Variants in CTCF observed in about 807,000 individuals in gnomAD.
The protein encoded by CTCF is transcriptional repressor CTCF.
CTCF carries 7 observed loss-of-function variants against 72.3 expected under a neutral mutation model. The ratio of observed to expected loss-of-function variants is 0.10; its 90% confidence interval spans 0.06 to 0.18. The LOEUF (loss-of-function observed/expected upper bound fraction) is 0.18, where lower values mean the gene tolerates loss of function less well. Among genes scored for constraint, CTCF ranks in the 10% least tolerant of loss-of-function variants. CTCF has a pLI of 1.00. For missense variants in CTCF, 516 were observed against 949.1 expected (o/e 0.54, Z 6.00); for synonymous variants, 374 against 315.8 (o/e 1.18, Z -1.95).
intron 7 of CTCF, 81 bp downstream of exon 7, chr16:67,621,672 C>T (rs1031982134): frequency 9.8e-6 from 10 of 1,022,142 alleles, no homozygotes; most frequent in Middle Eastern, 2.1e-4. Context: ...AAAATAACTT[C>T]ACCTTCTGAC....
At chr16:67,577,001 G>A (rs1318001867) in intron 2 of CTCF, among the ~76,000 whole-genome samples, 1 of 152,284 alleles carries the variant, frequency 6.6e-6, no homozygotes, top group East Asian at 1.9e-4. Context: ...ATATAAGCCA[G>A]AATGTGTGTA....
At position 67,633,880 on chromosome 16, in the gene CTCF, T is replaced by G. The variant is rs1385096289; in HGVS notation, c.1838-2810T>G. ...ATGAGCAGAACCACATCTCCAAGGG[T>G]CCATTTCCGGCTTAGTGTCCTGCTT... On this transcript the variant is annotated intron_variant, in intron 10 of 11. Transcript: ENST00000264010. Among the ~76,000 whole-genome samples the G allele has an allele frequency of 2.0e-5, 3 of 151,942 alleles. 1 individual carries two copies. Among genetic ancestry groups the G allele is most frequent in the Non-Finnish European group, 4.4e-5 (3 of 68,008 alleles).
chr16:67,567,060 T>C (rs551344591), intron 1 of CTCF, among the ~76,000 whole-genome samples: 2 of 151,948 alleles, frequency 1.3e-5, no homozygotes, highest in South Asian at 4.2e-4. Context: ...TAGGCTGGTC[T>C]CAAACTCGTG....
chr16:67,594,239 C>A (rs967181476), intron 2 of CTCF, among the ~76,000 whole-genome samples: 3 of 151,910 alleles, frequency 2.0e-5, no homozygotes, highest in African/African-American at 7.3e-5. Flanking sequence ...ATAAAATGAA[C>A]CAAGTATGGT....
intron 10 of CTCF, among the ~76,000 whole-genome samples, chr16:67,633,106 G>A (rs2052385742): frequency 1.3e-5 from 2 of 152,170 alleles, no homozygotes; most frequent in Admixed American, 6.5e-5. Flanking sequence ...TATAAAATGA[G>A]GGTAACACCC....
At chr16:67,622,869 C>G in intron 7 of CTCF, among the ~76,000 whole-genome samples, 1 of 145,790 alleles carries the variant, frequency 6.9e-6, no homozygotes, top group Non-Finnish European at 1.5e-5. Flanking sequence ...ACCATGTTGG[C>G]CAGGCTGGTC....
At chr16:67,597,313 C>T (rs2051827962) in intron 2 of CTCF, among the ~76,000 whole-genome samples, 1 of 151,898 alleles carries the variant, frequency 6.6e-6, no homozygotes. Flanking sequence ...GAATTACAGG[C>T]GTAAGTCTCT....
intron 2 of CTCF, among the ~76,000 whole-genome samples, chr16:67,599,712 T>A (rs2051862232): frequency 6.6e-6 from 1 of 152,184 alleles, no homozygotes; most frequent in Non-Finnish European, 1.5e-5. Flanking sequence ...GGATCTGGTC[T>A]TAGGAGCTCC....
At chr16:67,580,772 A>ATTTTTTTTTTTTTTTTTTTTTTTTTTT (rs781616750) in intron 2 of CTCF, among the ~76,000 whole-genome samples, 2 of 120,220 alleles carry the variant, frequency 1.7e-5, no homozygotes, top group African/African-American at 3.5e-5. Flanking sequence ...GCCTGGCCAA[A>ATTTTTTTTTTTTTTTTTTTTTTTTTTT]TTTTTTTTTT....
intron 2 of CTCF, among the ~76,000 whole-genome samples, chr16:67,608,776 G>T (rs2052013559): frequency 6.7e-6 from 1 of 148,390 alleles, no homozygotes; most frequent in Non-Finnish European, 1.5e-5. Flanking sequence ...CGTTCTTGTT[G>T]CCCAGGCTGC....
rs199786419 is a variant in CTCF at position 67,626,729 on chromosome 16, T to C, written c.1518+14T>C. ...GCTTGTAGACAGGTAGGAACCTTCA[T>C]TGAAAGTTGTTGGTGCTTTCTCGGT... is the stretch of plus-strand genomic sequence containing the variant. On this transcript the variant is annotated intron_variant, in intron 8 of 11. Transcript: ENST00000264010. 35 of 1,394,532 alleles carry C rather than the reference T, an allele frequency of 2.5e-5. No homozygotes were observed. The highest frequency in any genetic ancestry group is 1.1e-4 in the South Asian group (6 of 53,556). The allele number at this position is 1,394,532 out of a possible 1,614,324, so 86.4% of individuals were successfully genotyped here. A position where few individuals can be genotyped will look rare whatever the true frequency, so the allele number is the denominator to read the frequency against.
intron 10 of CTCF, among the ~76,000 whole-genome samples, chr16:67,633,539 C>T (rs543819249): frequency 6.6e-6 from 1 of 152,188 alleles, no homozygotes; most frequent in South Asian, 2.1e-4. Flanking sequence ...AAAACTTGAC[C>T]TTAAAAGAGA....
intron 7 of CTCF, among the ~76,000 whole-genome samples, chr16:67,624,709 C>T (rs2052259853): frequency 6.6e-6 from 1 of 151,972 alleles, no homozygotes; most frequent in Non-Finnish European, 1.5e-5. Flanking sequence ...CCACCTCAGC[C>T]TCCCTGGTAG....
At chr16:67,618,695 A>G (rs1284550472) in intron 5 of CTCF, among the ~76,000 whole-genome samples, 2 of 152,224 alleles carry the variant, frequency 1.3e-5, no homozygotes, top group Admixed American at 1.3e-4. Context: ...GGCCGGATAT[A>G]AGATAAGCAT....
chr16:67,604,526 A>G (rs1173867323), intron 2 of CTCF, among the ~76,000 whole-genome samples: 5 of 151,988 alleles, frequency 3.3e-5, no homozygotes, highest in Non-Finnish European at 5.9e-5. Context: ...TATTTTTAGT[A>G]GAGACAGGAT....
intron 2 of CTCF, among the ~76,000 whole-genome samples, chr16:67,575,403 TGGGCA>T (rs71897941): frequency 0.043 from 6,611 of 152,174 alleles, 477 homozygotes; most frequent in African/African-American, 0.15. Flanking sequence ...TATATGGCCT[TGGGCA>T]GGGCAGTTCT....
In CTCF at chr16:67,580,772, A is replaced by ATT. The variant is rs781616750; in HGVS notation, c.-10+9530_-10+9531dup. ...GGCACCTGCCCCAACGCCTGGCCAA[A>ATT]TTTTTTTTTTTTTTTTTTTTTTTAG... On this transcript the variant is annotated intron_variant, in intron 2 of 11. Transcript: ENST00000264010. Among the ~76,000 whole-genome samples the ATT allele has an allele frequency of 1.5e-3, 178 of 120,162 alleles. 3 individuals carry two copies. The highest frequency in any genetic ancestry group is 5.3e-3 in the African/African-American group (153 of 28,918). The allele number at this position is 120,162 out of a possible 152,430, so 78.8% of individuals were successfully genotyped here. A position where few individuals can be genotyped will look rare whatever the true frequency, so the allele number is the denominator to read the frequency against.
chr16:67,623,744 G>A (rs184797051), intron 7 of CTCF, among the ~76,000 whole-genome samples: 2 of 151,172 alleles, frequency 1.3e-5, no homozygotes, highest in East Asian at 2.0e-4. Flanking sequence ...GCAAGACCCC[G>A]TCTCTTAAAA....
intron 7 of CTCF, among the ~76,000 whole-genome samples, chr16:67,624,123 GTGTA>G (rs2052247914): frequency 3.2e-5 from 4 of 125,388 alleles, no homozygotes; most frequent in African/African-American, 1.4e-4. Context: ...GTGTATGTGT[GTGTA>G]TATATATGTG....
Sources: allele counts gnomAD v4.1 joint callset (sites outside exome capture counted in the v4.1 genomes callset), GRCh38; gene constraint gnomAD v4.1.1; transcripts MANE v1.5; gene names NCBI Gene and HGNC (gene_info 2026-07-23, HGNC 2026-07-21).